The following PIWIL2 variants were observed in gnomAD, a reference collection of about 807,000 sequenced individuals.
The protein encoded by PIWIL2 is piwi-like protein 2.
A neutral mutation model predicts 116.5 loss-of-function variants in PIWIL2; 81 were observed. That is an observed-to-expected ratio of 0.70 (90% confidence interval 0.58 to 0.84). The LOEUF (loss-of-function observed/expected upper bound fraction) is 0.84. Ranked by LOEUF, PIWIL2 falls within the 40% of genes least tolerant of loss-of-function variation. PIWIL2 has a pLI of 0.00. For synonymous variants in PIWIL2, 489 were observed against 429.5 expected (o/e 1.14, Z -1.71); for missense variants, 1,272 against 1,212.3 (o/e 1.05, Z -0.73).
chr8:22,314,013 C>T (rs1290909446), intron 16 of PIWIL2, among the ~76,000 whole-genome samples: 1 of 152,114 alleles, frequency 6.6e-6, no homozygotes, highest in Admixed American at 6.5e-5. Context: ...TAATGTAAAC[C>T]TTGCATGCAT....
chr8:22,293,260 G>A (rs1830805155), intron 10 of PIWIL2, among the ~76,000 whole-genome samples: 1 of 151,958 alleles, frequency 6.6e-6, no homozygotes, highest in Non-Finnish European at 1.5e-5. Context: ...AATGTGCTAT[G>A]GTAGTGCTAC....
Position 22,353,117 on chromosome 8 carries a change from G to T in PIWIL2, c.2562G>T (p.Lys854Asn), listed in dbSNP as rs1317823467. The T allele has an allele frequency of 6.2e-7, 1 of 1,614,078 alleles. No individual in the cohort carries two copies. The highest frequency in any genetic ancestry group is 8.5e-7 in the Non-Finnish European group (1 of 1,179,908). ...AGATGGTGGTGTTTGTAGTTCAGAA[G>T]AAAATCAGTACTAATCTATATCTGG... ...QPKMVVFVVQ[K>N]KISTNLYLAA... The change falls in exon 21 of 23, where the codon AAG (lysine) becomes AAT (asparagine). Residue 854 changes from lysine (K) to asparagine (N), a missense_variant. By Grantham distance (94) the Lys-to-Asn change is moderately conservative. Coordinates refer to ENST00000356766, the MANE Select transcript of PIWIL2 (RefSeq NM_018068.5).
At chr8:22,308,096 G>A in intron 14 of PIWIL2, 23 bp downstream of exon 14, 1 of 1,602,314 alleles carries the variant, frequency 6.2e-7, no homozygotes, top group Non-Finnish European at 8.5e-7. Flanking sequence ...ACGTGATGGT[G>A]TATGCACATG....
chr8:22,327,523 A>T (rs555233954), intron 20 of PIWIL2, among the ~76,000 whole-genome samples: 2 of 146,266 alleles, frequency 1.4e-5, no homozygotes, highest in Admixed American at 1.4e-4. Flanking sequence ...ATGCACCACC[A>T]CGCCCAGCTA....
At position 22,286,157 on chromosome 8, in the gene PIWIL2, G is replaced by T. The variant is rs563934822; in HGVS notation, c.744-1371G>T. 2.2e-4 allele frequency among the ~76,000 whole-genome samples: 34 copies of T among 152,248 alleles called. No individual in the cohort carries two copies. The South Asian group carries it at 7.0e-3, about 32-fold the overall frequency. ...GAGAAGGTGGTTGACTTTGGCCACA[G>T]GAAAAAAAGCAACTGAATTTGCTTG... On this transcript the variant is annotated intron_variant, in intron 6 of 22. Coordinates refer to ENST00000356766, the MANE Select transcript of PIWIL2 (RefSeq NM_018068.5).
Position 22,318,158 on chromosome 8 carries a change from C to G in PIWIL2, c.2298-12C>G. ...CTTCCTTTCTCTGTCTCTCTGCTCA[C>G]CCTGACCCTAGCACCCTCACAAAAT... On this transcript the variant is annotated splice_polypyrimidine_tract_variant and intron_variant, in intron 19 of 22. Transcript: ENST00000356766. The G allele has an allele frequency of 6.4e-7, 1 of 1,565,352 alleles. No homozygotes were observed. Among genetic ancestry groups the G allele is most frequent in the Non-Finnish European group, 8.8e-7 (1 of 1,136,244 alleles).
At chr8:22,323,262 C>T (rs1831647420) in intron 20 of PIWIL2, among the ~76,000 whole-genome samples, 1 of 150,706 alleles carries the variant, frequency 6.6e-6, no homozygotes. Flanking sequence ...ATTCTTCTGC[C>T]TCAGCTTCCC....
At chr8:22,297,822 C>T (rs1443981153) in intron 10 of PIWIL2, among the ~76,000 whole-genome samples, 7 of 152,128 alleles carry the variant, frequency 4.6e-5, no homozygotes, top group Non-Finnish European at 1.0e-4. Flanking sequence ...ACCATAGGCT[C>T]TCAGGAAAGG....
intron 6 of PIWIL2, among the ~76,000 whole-genome samples, chr8:22,284,852 CTT>C (rs1385518724): frequency 6.6e-6 from 1 of 152,090 alleles, no homozygotes. Context: ...TGTGTTCTCT[CTT>C]AATATCTTAG....
Position 22,315,077 on chromosome 8 carries a change from G to A in PIWIL2, c.2140G>A (p.Ala714Thr), listed in dbSNP as rs747616750. 12 of 1,613,702 alleles carry A rather than the reference G, an allele frequency of 7.4e-6. No homozygotes were observed. In the African/African-American group the frequency reaches 1.5e-4, roughly 20 times the overall value. ...IGQPTRLRSV[A>T]QKILLQINCK... ...TCAGCCCACCAGGCTTCGGAGTGTG[G>A]CCCAGAAGATTTTACTTCAGATTAA... Residue 714 changes from alanine to threonine, a missense_variant, in exon 18 of 23, where the codon GCC becomes ACC. By Grantham distance (58) the Ala-to-Thr change is moderately conservative. Transcript: ENST00000356766.
At position 22,347,822 on chromosome 8, in the gene PIWIL2, T is replaced by C. The variant is rs1039274662; in HGVS notation, c.2404-5137T>C. Among the ~76,000 whole-genome samples, 5 of 151,834 alleles carry C rather than the reference T, an allele frequency of 3.3e-5. No homozygotes were observed. In the East Asian group the frequency reaches 9.8e-4, roughly 30 times the overall value. ...GATTACAGGTGTGAGCCACCACTCC[T>C]GGCAGACTCATTCTTCATGCCTTTT... On this transcript the variant is annotated intron_variant, in intron 20 of 22. Coordinates refer to ENST00000356766, the MANE Select transcript of PIWIL2 (RefSeq NM_018068.5).
At chr8:22,294,466 C>T (rs1176072307) in intron 10 of PIWIL2, among the ~76,000 whole-genome samples, 1 of 150,548 alleles carries the variant, frequency 6.6e-6, no homozygotes, top group Non-Finnish European at 1.5e-5. Context: ...ACGGTGAAAC[C>T]CCGTCTCTAC....
In PIWIL2 at chr8:22,281,334, G is replaced by A. The variant is rs373757810; in HGVS notation, c.287-43G>A. On this transcript the variant is annotated intron_variant, in intron 3 of 22. Transcript: ENST00000356766. ...AAAAAAAAACTATACTTTAAAACAC[G>A]TTTAAGTCATAGTCATTGCTGGGGT... 1.6e-4 allele frequency: 260 copies of A among 1,586,182 alleles called. No individual in the cohort carries two copies. The African/African-American group carries it at 3.1e-3, about 19-fold the overall frequency.
Position 22,282,964 on chromosome 8 carries a change from TGGG to T in PIWIL2, c.426-67_426-65del, listed in dbSNP as rs965962174. 1.1e-5 allele frequency: 13 copies of T among 1,176,248 alleles called. No homozygotes were observed. The African/African-American group carries it at 1.8e-4, about 16-fold the overall frequency. 72.9% of individuals were successfully genotyped at this position (1,176,248 alleles called of 1,614,324 possible). A position where few individuals can be genotyped will look rare whatever the true frequency, so the allele number is the denominator to read the frequency against. On this transcript the variant is annotated intron_variant, in intron 4 of 22. Coordinates refer to ENST00000356766, the MANE Select transcript of PIWIL2 (RefSeq NM_018068.5). ...CTCCTCCAGGAAGAGATTGTGGAGTTGGGGGAATAATCTGGATGGGACATAGCT... is the reference window on the plus strand; with the variant it reads ...CTCCTCCAGGAAGAGATTGTGGAGTTGGAATAATCTGGATGGGACATAGCT...
chr8:22,292,849 C>G (rs2132006141), intron 10 of PIWIL2, among the ~76,000 whole-genome samples: 1 of 152,310 alleles, frequency 6.6e-6, no homozygotes, highest in South Asian at 2.1e-4. Flanking sequence ...TTATGTGTCT[C>G]TCCTGATTTC....
intron 20 of PIWIL2, among the ~76,000 whole-genome samples, chr8:22,330,407 T>C (rs1312183292): frequency 2.0e-5 from 3 of 152,112 alleles, no homozygotes; most frequent in Non-Finnish European, 4.4e-5. Context: ...ATATTTAAAA[T>C]AGTTGATATA....
chr8:22,303,414 C>T (rs898308136), intron 10 of PIWIL2, among the ~76,000 whole-genome samples: 2 of 152,086 alleles, frequency 1.3e-5, no homozygotes, highest in South Asian at 2.1e-4. Context: ...AATTTAGGGA[C>T]AGGGCCTTAC....
intron 20 of PIWIL2, among the ~76,000 whole-genome samples, chr8:22,345,242 T>C (rs1832198721): frequency 6.6e-6 from 1 of 152,140 alleles, no homozygotes; most frequent in Non-Finnish European, 1.5e-5. Context: ...AGAATTCTAG[T>C]CCTAGGTATG....
chr8:22,348,328 A>G (rs1832275769), intron 20 of PIWIL2, among the ~76,000 whole-genome samples: 1 of 152,114 alleles, frequency 6.6e-6, no homozygotes. Context: ...ATTTTCTGAG[A>G]TAAGTGCAGT....
Sources: allele counts gnomAD v4.1 joint callset (sites outside exome capture counted in the v4.1 genomes callset), GRCh38; gene constraint gnomAD v4.1.1; transcripts MANE v1.5; gene names NCBI Gene and HGNC (gene_info 2026-07-23, HGNC 2026-07-21).